Variants in LATS2 observed in about 807,000 individuals in gnomAD.
The protein encoded by LATS2 is large tumor suppressor kinase 2, also known as serine/threonine-protein kinase LATS2.
Under a neutral mutation model 76.0 loss-of-function variants are expected in LATS2, and 24 were observed. That is an observed-to-expected ratio of 0.32 (90% CI 0.23 to 0.44). The LOEUF (loss-of-function observed/expected upper bound fraction) is 0.44. LATS2 is among the 20% of genes least tolerant of loss of function. The pLI is 1.00. For synonymous variants in LATS2, 692 were observed against 635.4 expected (o/e 1.09, Z -1.34); for missense variants, 1,286 against 1,481.2 (o/e 0.87, Z 2.16).
chr13:20,991,482 G>A lies in LATS2; in HGVS notation c.343-78C>T. On this transcript the variant is annotated intron_variant, in intron 2 of 7. Coordinates refer to ENST00000382592, the MANE Select transcript of LATS2 (RefSeq NM_014572.3). The surrounding 1 kb of genome is among the most constrained non-coding windows in gnomAD (Gnocchi z 4.9). ...CCAAAGACTCCCATCCCCACTCCGT[G>A]CTGGACTGTGCTGGGACACTTCGCC... The A allele has an allele frequency of 6.6e-7, 1 of 1,523,378 alleles. No homozygotes were observed. Among genetic ancestry groups the A allele is most frequent in the Non-Finnish European group, 9.0e-7 (1 of 1,108,024 alleles). 94.4% of individuals were successfully genotyped at this position (1,523,378 alleles called of 1,614,324 possible).
At chr13:20,982,128 GA>G (rs1869917360) in intron 5 of LATS2, among the ~76,000 whole-genome samples, 1 of 152,120 alleles carries the variant, frequency 6.6e-6, no homozygotes, top group African/African-American at 2.4e-5. Context: ...TTGAGTTAGA[GA>G]AAAAAGACTA....
At chr13:20,994,160 A>T (rs544944084) in intron 2 of LATS2, among the ~76,000 whole-genome samples, 1 of 152,236 alleles carries the variant, frequency 6.6e-6, no homozygotes, top group Non-Finnish European at 1.5e-5. Context: ...CAGAAAAATC[A>T]GCAAGGAGAC....
intron 4 of LATS2, 50 bp from the exon 5 acceptor site, chr13:20,983,856 T>C (rs763426034): frequency 4.2e-6 from 6 of 1,413,492 alleles, no homozygotes; most frequent in South Asian, 1.3e-5. Flanking sequence ...AGAAGTCCCA[T>C]GATAACAAAT....
intron 2 of LATS2, among the ~76,000 whole-genome samples, chr13:21,003,037 T>C (rs1565950533): frequency 6.6e-6 from 1 of 152,142 alleles, no homozygotes; most frequent in Non-Finnish European, 1.5e-5. Context: ...TTTGGTCTCC[T>C]CAGTTTTTGT....
chr13:21,026,443 C>T (rs1390240702), intron 2 of LATS2, among the ~76,000 whole-genome samples: 1 of 152,132 alleles, frequency 6.6e-6, no homozygotes, highest in African/African-American at 2.4e-5. Flanking sequence ...AGTGGTCCCT[C>T]GGGTTTCTTT....
chr13:21,059,032 C>T (rs1469532205), intron 1 of LATS2, among the ~76,000 whole-genome samples: 1 of 151,732 alleles, frequency 6.6e-6, no homozygotes, highest in Admixed American at 6.6e-5. Flanking sequence ...TTACTTTTTC[C>T]ATGATTAAGG....
chr13:21,000,378 C>A (rs1037644446), intron 2 of LATS2, among the ~76,000 whole-genome samples: 1 of 150,656 alleles, frequency 6.6e-6, no homozygotes, highest in Admixed American at 6.6e-5. Context: ...AAGACTCTGT[C>A]ATAATAATAA....
At chr13:20,986,215 A>G (rs1205296910) in intron 4 of LATS2, among the ~76,000 whole-genome samples, 1 of 152,186 alleles carries the variant, frequency 6.6e-6, no homozygotes, top group African/African-American at 2.4e-5. Context: ...TCAAAAAGGA[A>G]AAAAAAGAAA....
At chr13:21,039,060 T>C (rs1280652912) in intron 2 of LATS2, among the ~76,000 whole-genome samples, 1 of 152,198 alleles carries the variant, frequency 6.6e-6, no homozygotes, top group Admixed American at 6.5e-5. Flanking sequence ...TGCTTGTGTC[T>C]TGTCAAAGTA....
Position 20,983,589 on chromosome 13 carries a change from T to C in LATS2, c.2117A>G (p.Asn706Ser). 6.2e-7 allele frequency: 1 copy of C among 1,614,094 alleles called. No individual in the cohort carries two copies. The highest frequency in any genetic ancestry group is 8.5e-7 in the Non-Finnish European group (1 of 1,180,018). ...MKTLRKKDVL[N>S]RNQVAHVKAE... ...CTTGACGTGGGCCACCTGATTCCGG[T>C]TCAGGACATCCTTTTTCCTTAGGGT... Residue 706 changes from asparagine (N) to serine (S), a missense_variant, in exon 5 of 8, where the codon AAC becomes AGC. Physicochemically the swap from Asn to Ser is conservative, Grantham distance 46 (BLOSUM62 1). Transcript: ENST00000382592.
Position 20,988,183 on chromosome 13 carries a change from G to A in LATS2, c.1597C>T (p.Leu533=). 2 of 1,613,432 alleles carry A rather than the reference G, an allele frequency of 1.2e-6. No homozygotes were observed. The highest frequency in any genetic ancestry group is 1.7e-6 in the Non-Finnish European group (2 of 1,179,920). Residue 533 remains leucine (L), a synonymous_variant, in exon 4 of 8, where the codon CTG becomes TTG. Coordinates refer to ENST00000382592, the MANE Select transcript of LATS2 (RefSeq NM_014572.3). ...TCCATGCCTGCGCACAGGCTGTCCA[G>A]GTCGTACTGCTCCGACTTGCTGCGC... The part of the protein sequence containing the change: ...LLRSKSEQYD[L]DSLCAGMEQS...
At chr13:20,992,653 C>A (rs1465664786) in intron 2 of LATS2, among the ~76,000 whole-genome samples, 1 of 152,098 alleles carries the variant, frequency 6.6e-6, no homozygotes, top group African/African-American at 2.4e-5. Flanking sequence ...TGAAGGTCAA[C>A]GAGGAGGGCA....
chr13:20,984,828 T>TA (rs1870071304), intron 4 of LATS2, among the ~76,000 whole-genome samples: 1 of 152,140 alleles, frequency 6.6e-6, no homozygotes, highest in African/African-American at 2.4e-5. Flanking sequence ...AAAACAATAC[T>TA]AAAATTCACA....
At chr13:20,993,089 C>T (rs545134345) in intron 2 of LATS2, among the ~76,000 whole-genome samples, 10 of 151,198 alleles carry the variant, frequency 6.6e-5, no homozygotes, top group African/African-American at 1.2e-4. Flanking sequence ...AGAAAGACCC[C>T]GGACAGTGGG....
rs763963151 is a variant in LATS2, at chr13:21,045,998, G to A, written c.29C>T (p.Thr10Ile). MRPKTFPAT[T>I]YSGNSRQRLQ... ...TCGCTGCCGGCTATTTCCAGAATAA[G>A]TCGTGGCAGGAAAAGTCTTTGGCCT... Residue 10 changes from threonine to isoleucine, a missense_variant, in exon 2 of 8, where the codon ACT (threonine) becomes ATT (isoleucine). By Grantham distance (89) the Thr-to-Ile change is moderately conservative. Transcript: ENST00000382592. 1 of 1,613,460 alleles carries A rather than the reference G, an allele frequency of 6.2e-7. No individual in the cohort carries two copies. Among genetic ancestry groups the A allele is most frequent in the South Asian group, 1.1e-5 (1 of 91,080 alleles).
At chr13:21,038,174 A>G (rs535743022) in intron 2 of LATS2, among the ~76,000 whole-genome samples, 1 of 152,156 alleles carries the variant, frequency 6.6e-6, no homozygotes, top group African/African-American at 2.4e-5. Flanking sequence ...AAGACGCAGA[A>G]GGGGCAACCA....
At chr13:21,029,628 TAAAAATAC>T (rs1359390642) in intron 2 of LATS2, among the ~76,000 whole-genome samples, 2 of 151,726 alleles carry the variant, frequency 1.3e-5, no homozygotes. Flanking sequence ...CCATTGCTAC[TAAAAATAC>T]AAAAATTAGC....
At chr13:21,045,644 T>G in intron 2 of LATS2, 41 bp downstream of exon 2, 1 of 1,518,820 alleles carries the variant, frequency 6.6e-7, no homozygotes, top group Non-Finnish European at 9.0e-7. Context: ...AGCTGTCCCA[T>G]AGCTGCCTCT....
intron 5 of LATS2, among the ~76,000 whole-genome samples, chr13:20,982,341 C>T (rs920164899): frequency 5.3e-5 from 8 of 152,182 alleles, no homozygotes; most frequent in African/African-American, 1.7e-4. Flanking sequence ...GACAGAGTTT[C>T]GCTCTTGTTG....
Sources: allele counts gnomAD v4.1 joint callset (sites outside exome capture counted in the v4.1 genomes callset), GRCh38; gene constraint gnomAD v4.1.1; non-coding constraint Gnocchi (gnomAD v3.1); transcripts MANE v1.5; gene names NCBI Gene and HGNC (gene_info 2026-07-23, HGNC 2026-07-21).